The following MKLN1 variants were observed in gnomAD, a reference collection of about 807,000 sequenced individuals.
The protein encoded by MKLN1 is muskelin.
MKLN1 carries 18 observed loss-of-function variants against 99.0 expected under a neutral mutation model. The ratio of observed to expected loss-of-function variants is 0.18; its 90% CI spans 0.13 to 0.27. The LOEUF is 0.27. Among genes scored for constraint, MKLN1 ranks in the 10% least tolerant of loss-of-function variants. MKLN1 has a pLI of 1.00. For missense variants in MKLN1, 621 were observed against 875.9 expected, an observed-to-expected ratio of 0.71 and a Z score of 3.67; for synonymous variants, 288 against 293.2, an observed-to-expected ratio of 0.98 and a Z score of 0.18.
intron 3 of MKLN1, among the ~76,000 whole-genome samples, chr7:131,317,447 T>G (rs1798689998): frequency 6.6e-6 from 1 of 152,154 alleles, no homozygotes; most frequent in Admixed American, 6.5e-5. Flanking sequence ...CAAAAGCTCC[T>G]GAAGGAAGCA....
At chr7:131,150,681 C>A (rs753609236) in intron 2 of MKLN1, among the ~76,000 whole-genome samples, 48 of 151,978 alleles carry the variant, frequency 3.2e-4, no homozygotes, top group Non-Finnish European at 6.5e-4. Flanking sequence ...TCAAAATTGT[C>A]TGCTTCTAGC....
In MKLN1 at chr7:131,442,408, G is replaced by A. The variant is rs139266261; in HGVS notation, c.1174-1073G>A. Among the ~76,000 whole-genome samples the A allele has an allele frequency of 1.2e-4, 19 of 152,174 alleles. 1 individual carries two copies. Among genetic ancestry groups the A allele is most frequent in the Middle Eastern group, 6.8e-3 (2 of 294 alleles). On this transcript the variant is annotated intron_variant, in intron 10 of 17. Coordinates refer to ENST00000352689, the MANE Select transcript of MKLN1 (RefSeq NM_013255.5). Reference sequence around the variant, plus strand: ...ACTAAAAATACAAAATTATCCTGGCGTGGTGGCATATGCTGGTAATCCCAG... The same window carrying A: ...ACTAAAAATACAAAATTATCCTGGCATGGTGGCATATGCTGGTAATCCCAG...
At chr7:131,479,437 G>A (rs1011731918) in intron 17 of MKLN1, among the ~76,000 whole-genome samples, 1 of 152,114 alleles carries the variant, frequency 6.6e-6, no homozygotes, top group Non-Finnish European at 1.5e-5. Context: ...GGTTGAAGTG[G>A]GAGGATCACT....
In MKLN1 at chr7:131,251,121, G is replaced by GTGTGTGTGTGTGTA. The variant is rs143561333; in HGVS notation, c.-179+48152_-179+48153insGTGTGTGTATGTGT. 4.0e-3 allele frequency among the ~76,000 whole-genome samples: 598 copies of GTGTGTGTGTGTGTA among 148,076 alleles called. 2 individuals carry two copies. Among genetic ancestry groups the GTGTGTGTGTGTGTA allele is most frequent in the African/African-American group, 0.013 (531 of 40,306 alleles). ...TGTGTGTGTGTGTGTGTGTGTGTGT[G>GTGTGTGTGTGTGTA]TGTGTACCATTTTGACCATCTTAAA... On this transcript the variant is annotated intron_variant, in intron 3 of 7. Transcript: ENST00000416992.
intron 2 of MKLN1, among the ~76,000 whole-genome samples, chr7:131,195,132 A>G (rs1303184919): frequency 1.3e-5 from 2 of 152,212 alleles, no homozygotes; most frequent in African/African-American, 2.4e-5. Context: ...TATTTTTCAA[A>G]TAGGAGATCT....
At chr7:131,190,461 A>G (rs879738339) in intron 2 of MKLN1, among the ~76,000 whole-genome samples, 18 of 115,420 alleles carry the variant, frequency 1.6e-4, no homozygotes, top group Non-Finnish European at 1.3e-4. Context: ...GCAGCTCTGA[A>G]AAAAAAAAAA....
intron 1 of MKLN1, among the ~76,000 whole-genome samples, chr7:131,358,803 A>G (rs79296074): frequency 0.02 from 3,036 of 152,210 alleles, 82 homozygotes; most frequent in African/African-American, 0.067. Context: ...TATCAGTTTT[A>G]TGGGAATAGA....
intron 3 of MKLN1, among the ~76,000 whole-genome samples, chr7:131,290,474 C>G (rs1798201084): frequency 6.6e-6 from 1 of 152,208 alleles, no homozygotes; most frequent in Non-Finnish European, 1.5e-5. Context: ...GTTTCATTCT[C>G]TGATGTATCC....
At chr7:131,120,256 TG>T in intron 1 of MKLN1, among the ~76,000 whole-genome samples, 1 of 150,390 alleles carries the variant, frequency 6.6e-6, no homozygotes, top group South Asian at 2.1e-4. Flanking sequence ...CCAGTTGCAA[TG>T]GCTCACACCT....
intron 3 of MKLN1, among the ~76,000 whole-genome samples, chr7:131,219,599 GA>G (rs546048217): frequency 2.3e-4 from 33 of 144,696 alleles, no homozygotes; most frequent in South Asian, 4.3e-4. Context: ...ACTTTGTAAG[GA>G]AAAAAAAAAA....
chr7:131,110,929 C>T (rs143627815), intron 1 of MKLN1, among the ~76,000 whole-genome samples: 1 of 152,334 alleles, frequency 6.6e-6, no homozygotes, highest in African/African-American at 2.4e-5. Context: ...CTGCCTGAAA[C>T]TCTGAACAAT....
chr7:131,424,464 A>C (rs537891491), intron 8 of MKLN1, among the ~76,000 whole-genome samples: 2 of 152,356 alleles, frequency 1.3e-5, no homozygotes, highest in East Asian at 3.9e-4. Context: ...GATTTATCCT[A>C]AAAATCAAAG....
At position 131,192,097 on chromosome 7, in the gene MKLN1, T is replaced by TACA. The variant is rs1397719421; in HGVS notation, c.-296-10760_-296-10759insACA. On this transcript the variant is annotated intron_variant, in intron 2 of 7. Coordinates refer to the MKLN1 transcript ENST00000416992. ...TATATACATATATATTATATATATA[T>TACA]GTATATATATATTATATATATACGT... Among the ~76,000 whole-genome samples the TACA allele has an allele frequency of 9.1e-5, 7 of 76,856 alleles. 1 individual carries two copies. The highest frequency in any genetic ancestry group is 4.0e-4 in the African/African-American group (7 of 17,382). The allele number at this position is 76,856 out of a possible 152,430, so 50.4% of individuals were successfully genotyped here. A position where few individuals can be genotyped will look rare whatever the true frequency, so the allele number is the denominator to read the frequency against.
At chr7:131,272,111 T>C (rs1361584808) in intron 3 of MKLN1, among the ~76,000 whole-genome samples, 9 of 152,156 alleles carry the variant, frequency 5.9e-5, no homozygotes, top group Admixed American at 2.0e-4. Context: ...TTCTCCTTCC[T>C]GGCTGCCAGC....
intron 16 of MKLN1, 30 bp downstream of exon 16, chr7:131,470,974 A>G: frequency 6.8e-7 from 1 of 1,465,604 alleles, no homozygotes; most frequent in Non-Finnish European, 9.4e-7. Flanking sequence ...AATTTCAGAA[A>G]TTAAGTATTT....
chr7:131,194,028 C>T (rs1432538511), intron 2 of MKLN1, among the ~76,000 whole-genome samples: 1 of 127,204 alleles, frequency 7.9e-6, no homozygotes, highest in African/African-American at 2.8e-5. Flanking sequence ...TTTCCAGAAA[C>T]AGGATCTCAT....
At chr7:131,344,905 G>A (rs981020744) in intron 1 of MKLN1, among the ~76,000 whole-genome samples, 2 of 152,068 alleles carry the variant, frequency 1.3e-5, no homozygotes, top group Non-Finnish European at 2.9e-5. Context: ...GGGTTCAAGC[G>A]ATTCTCCTGC....
intron 3 of MKLN1, among the ~76,000 whole-genome samples, chr7:131,207,688 C>A (rs1357468381): frequency 1.3e-5 from 2 of 152,110 alleles, no homozygotes; most frequent in African/African-American, 4.8e-5. Flanking sequence ...TCCATGGGCC[C>A]AGCTAACCAC....
At chr7:131,289,380 C>T (rs1238506039) in intron 3 of MKLN1, among the ~76,000 whole-genome samples, 1 of 152,178 alleles carries the variant, frequency 6.6e-6, no homozygotes, top group Non-Finnish European at 1.5e-5. Flanking sequence ...GGTCCCAGCA[C>T]TTTGGGAGAC....
Sources: allele counts gnomAD v4.1 joint callset (sites outside exome capture counted in the v4.1 genomes callset), GRCh38; gene constraint gnomAD v4.1.1; transcripts MANE v1.5; gene names NCBI Gene and HGNC (gene_info 2026-07-23, HGNC 2026-07-21).